The following LPAR3 variants were observed in gnomAD, a reference collection of about 807,000 sequenced individuals.
LPAR3 encodes the protein LPA receptor 3.
In LPAR3, 7 loss-of-function variants were observed where a neutral mutation model predicts 17.8. The ratio of observed to expected loss-of-function variants is 0.39; its 90% CI spans 0.22 to 0.74. LPAR3 has a LOEUF of 0.74. LPAR3 is among the 30% of genes least tolerant of loss of function. The pLI is 0.40. For synonymous variants in LPAR3, 179 were observed against 179.9 expected, an observed-to-expected ratio of 0.99 and a Z score of 0.04; for missense variants, 391 against 453.4, an observed-to-expected ratio of 0.86 and a Z score of 1.25.
At chr1:84,864,069 G>A (rs945527103) in intron 2 of LPAR3, among the ~76,000 whole-genome samples, 4 of 152,016 alleles carry the variant, frequency 2.6e-5, no homozygotes, top group Admixed American at 1.3e-4. Flanking sequence ...AAAATTAGCC[G>A]GGCCTGGTGG....
At chr1:84,859,577 G>A (rs149373092) in intron 2 of LPAR3, among the ~76,000 whole-genome samples, 2 of 152,050 alleles carry the variant, frequency 1.3e-5, no homozygotes, top group African/African-American at 2.4e-5. Flanking sequence ...CACACACACA[G>A]GCACGCAAAG....
At chr1:84,856,764 T>G (rs939802939) in intron 2 of LPAR3, among the ~76,000 whole-genome samples, 1 of 152,192 alleles carries the variant, frequency 6.6e-6, no homozygotes, top group African/African-American at 2.4e-5. Flanking sequence ...GACCATCCTA[T>G]AATAGAGCTC....
intron 2 of LPAR3, among the ~76,000 whole-genome samples, chr1:84,820,907 T>C (rs1157744470): frequency 6.6e-6 from 1 of 152,170 alleles, no homozygotes; most frequent in Non-Finnish European, 1.5e-5. Flanking sequence ...GTGAAATCAA[T>C]TTAGTGAGTT....
At chr1:84,840,615 T>C (rs893440009) in intron 2 of LPAR3, among the ~76,000 whole-genome samples, 3 of 152,166 alleles carry the variant, frequency 2.0e-5, no homozygotes, top group Non-Finnish European at 4.4e-5. Flanking sequence ...AGGAAATGTT[T>C]CCTCAGATTT....
chr1:84,821,147 CT>C (rs1272930461), intron 2 of LPAR3, among the ~76,000 whole-genome samples: 18 of 139,068 alleles, frequency 1.3e-4, no homozygotes, highest in Admixed American at 2.2e-4. Context: ...CAAACCATTT[CT>C]TTTTTTTTTA....
chr1:84,849,698 C>T (rs541946384), intron 2 of LPAR3, among the ~76,000 whole-genome samples: 49 of 152,266 alleles, frequency 3.2e-4, no homozygotes, highest in African/African-American at 1.2e-3. Flanking sequence ...CCTGCTAGTG[C>T]TCGAGCCTGG....
At chr1:84,853,983 C>G (rs1659769327) in intron 2 of LPAR3, among the ~76,000 whole-genome samples, 1 of 152,168 alleles carries the variant, frequency 6.6e-6, no homozygotes, top group Non-Finnish European at 1.5e-5. Context: ...CAGGCACCAC[C>G]CCTCCCTATT....
intron 1 of LPAR3, among the ~76,000 whole-genome samples, chr1:84,880,090 G>T (rs1660336306): frequency 6.6e-6 from 1 of 152,180 alleles, no homozygotes; most frequent in Non-Finnish European, 1.5e-5. Flanking sequence ...AGCACTTTGG[G>T]AGGCCAAGGT....
At chr1:84,843,864 G>C (rs1659551613) in intron 2 of LPAR3, among the ~76,000 whole-genome samples, 1 of 152,194 alleles carries the variant, frequency 6.6e-6, no homozygotes, top group South Asian at 2.1e-4. Flanking sequence ...ACCTGGATGG[G>C]CTCTCCCAGG....
chr1:84,835,067 A>G (rs1659367936), intron 2 of LPAR3, among the ~76,000 whole-genome samples: 1 of 152,192 alleles, frequency 6.6e-6, no homozygotes, highest in East Asian at 1.9e-4. Flanking sequence ...GAGAATTGCT[A>G]TGTCATTTCT....
chr1:84,888,427 C>A (rs1222068419), intron 1 of LPAR3, among the ~76,000 whole-genome samples: 1 of 152,144 alleles, frequency 6.6e-6, no homozygotes, highest in East Asian at 1.9e-4. Flanking sequence ...TATACTTGAT[C>A]CCTTGCTTTG....
chr1:84,829,141 C>A (rs1467450012), intron 2 of LPAR3, among the ~76,000 whole-genome samples: 1 of 141,008 alleles, frequency 7.1e-6, no homozygotes, highest in Non-Finnish European at 1.5e-5. Flanking sequence ...TTCCTTGTAT[C>A]CCTCTCTGCA....
At chr1:84,892,597 T>C (rs532457398) in intron 1 of LPAR3, among the ~76,000 whole-genome samples, 1 of 152,298 alleles carries the variant, frequency 6.6e-6, no homozygotes, top group East Asian at 1.9e-4. Context: ...CTGAAAAATG[T>C]TATATCCCTA....
chr1:84,840,548 T>A (rs1217701278), intron 2 of LPAR3, among the ~76,000 whole-genome samples: 1 of 152,206 alleles, frequency 6.6e-6, no homozygotes, highest in Non-Finnish European at 1.5e-5. Flanking sequence ...AGAGCCCACT[T>A]ACTTATACAA....
chr1:84,824,407 G>A (rs1659112789), intron 2 of LPAR3, among the ~76,000 whole-genome samples: 1 of 152,144 alleles, frequency 6.6e-6, no homozygotes, highest in African/African-American at 2.4e-5. Flanking sequence ...ATATGACCTA[G>A]AATCTCTTGC....
At position 84,885,673 on chromosome 1, in the gene LPAR3, G is replaced by A. The variant is rs754925521; in HGVS notation, c.-19+7343C>T. On this transcript the variant is annotated intron_variant, in intron 1 of 2. Coordinates refer to ENST00000370611, the MANE Select transcript of LPAR3 (RefSeq NM_012152.3). ...GGCTGGGAAGAGCTGTGAGCTAGAG[G>A]GACTGGAGACTGATGATTAAGCTAC... 2.0e-5 allele frequency among the ~76,000 whole-genome samples: 3 copies of A among 152,146 alleles called. 1 individual carries two copies. Among genetic ancestry groups the A allele is most frequent in the East Asian group, 3.9e-4 (2 of 5,190 alleles).
chr1:84,841,514 A>G (rs1659504556), intron 2 of LPAR3, among the ~76,000 whole-genome samples: 1 of 152,198 alleles, frequency 6.6e-6, no homozygotes, highest in Non-Finnish European at 1.5e-5. Flanking sequence ...CTTTCAGGTC[A>G]TTTAATGTTA....
At position 84,813,604 on chromosome 1, in the gene LPAR3, G is replaced by A; in HGVS notation, c.*242C>T. 1 of 474,856 alleles carries A rather than the reference G, an allele frequency of 2.1e-6. No homozygotes were observed. The highest frequency in any genetic ancestry group is 3.6e-5 in the East Asian group (1 of 27,420). 29.4% of individuals were successfully genotyped at this position (474,856 alleles called of 1,614,324 possible). A position where few individuals can be genotyped will look rare whatever the true frequency, so the allele number is the denominator to read the frequency against. ...GCTGGACTGACAGGAGCTCTGAGCA[G>A]TTCATAGGACAAGCAGGGACCCGCC... On this transcript the variant is annotated 3_prime_UTR_variant, in exon 3 of 3. Transcript: ENST00000370611.
chr1:84,827,429 C>T (rs2102747919), intron 2 of LPAR3, among the ~76,000 whole-genome samples: 1 of 151,754 alleles, frequency 6.6e-6, no homozygotes, highest in East Asian at 1.9e-4. Flanking sequence ...GTCAATGACT[C>T]CATCTTCCAG....
Sources: gnomAD v4.1 joint callset for allele counts (sites outside exome capture counted in the v4.1 genomes callset) on GRCh38, gnomAD v4.1.1 for gene constraint, MANE v1.5 for transcripts, NCBI Gene and HGNC (gene_info 2026-07-23, HGNC 2026-07-21) for gene names.